The following CABCOCO1 variants were observed in gnomAD, a reference collection of about 807,000 sequenced individuals.
CABCOCO1 encodes the protein ciliary associated calcium binding coiled-coil 1.
A neutral mutation model predicts 35.7 loss-of-function variants in CABCOCO1; 28 were observed. The observed-to-expected ratio is 0.78, with a 90% CI of 0.58 to 1.07. CABCOCO1 has a LOEUF of 1.07. Among genes scored for constraint, CABCOCO1 ranks in the 50% least tolerant of loss-of-function variants. The probability of loss-of-function intolerance (pLI) is 0.00; values close to 1 mark genes in which losing one functional copy is unlikely to be tolerated. For missense variants in CABCOCO1, 326 were observed against 309.2 expected, an observed-to-expected ratio of 1.05 and a Z score of -0.41; for synonymous variants, 95 against 100.1, an observed-to-expected ratio of 0.95 and a Z score of 0.30.
In CABCOCO1 at chr10:61,682,221, T is replaced by C. The variant is rs181946900; in HGVS notation, c.334+909T>C. ...GTGAAACTTTATATTGTTGATATTA[T>C]TGCAAAAATGAATTTCTAAAACCTG... On this transcript the variant is annotated intron_variant, in intron 3 of 7. Coordinates refer to ENST00000648843, the MANE Select transcript of CABCOCO1 (RefSeq NM_001366906.2). 7.0e-4 allele frequency among the ~76,000 whole-genome samples: 106 copies of C among 152,314 alleles called. 1 individual carries two copies. Among genetic ancestry groups the C allele is most frequent in the Non-Finnish European group, 7.6e-4 (52 of 68,024 alleles).
At chr10:61,705,963 A>C (rs992317548) in intron 5 of CABCOCO1, among the ~76,000 whole-genome samples, 1 of 152,200 alleles carries the variant, frequency 6.6e-6, no homozygotes, top group Non-Finnish European at 1.5e-5. Flanking sequence ...TGAATGAAAG[A>C]GACTGTCTAG....
At chr10:61,738,906 T>G (rs1841484406) in intron 5 of CABCOCO1, among the ~76,000 whole-genome samples, 1 of 152,264 alleles carries the variant, frequency 6.6e-6, no homozygotes, top group African/African-American at 2.4e-5. Context: ...TCTTGCTCTC[T>G]TAAGCAGAAC....
At chr10:61,699,280 A>G (rs1347578917) in intron 5 of CABCOCO1, among the ~76,000 whole-genome samples, 1 of 152,204 alleles carries the variant, frequency 6.6e-6, no homozygotes, top group Non-Finnish European at 1.5e-5. Flanking sequence ...TCCGAAGCAC[A>G]GAAAAATAAT....
At chr10:61,748,395 G>C (rs1312084317) in intron 5 of CABCOCO1, among the ~76,000 whole-genome samples, 1 of 152,150 alleles carries the variant, frequency 6.6e-6, no homozygotes, top group Non-Finnish European at 1.5e-5. Flanking sequence ...CATTGTTGTA[G>C]ACATAAATAT....
At chr10:61,749,491 T>C (rs1020901878) in intron 5 of CABCOCO1, among the ~76,000 whole-genome samples, 1 of 152,242 alleles carries the variant, frequency 6.6e-6, no homozygotes, top group Non-Finnish European at 1.5e-5. Flanking sequence ...CAACCTTTCA[T>C]TCTTGACTTT....
chr10:61,766,036 T>C lies in CABCOCO1; in HGVS notation c.*23T>C. On this transcript the variant is annotated 3_prime_UTR_variant, in exon 8 of 8. Transcript: ENST00000648843. ...TAAGGACTTGGTACAAGGAGAGTGA[T>C]GCTAAACTTCACAGAAACAAACAAA... 2 of 1,592,392 alleles carry C rather than the reference T, an allele frequency of 1.3e-6. No individual in the cohort carries two copies. Among genetic ancestry groups the C allele is most frequent in the Non-Finnish European group, 8.6e-7 (1 of 1,162,922 alleles).
intron 5 of CABCOCO1, among the ~76,000 whole-genome samples, chr10:61,722,193 A>T (rs777216211): frequency 1.3e-5 from 2 of 152,226 alleles, no homozygotes; most frequent in Non-Finnish European, 2.9e-5. Context: ...CAGAGAAAAC[A>T]TTATTTTTAA....
chr10:61,756,344 A>T (rs1392536393), intron 5 of CABCOCO1, among the ~76,000 whole-genome samples: 1 of 152,068 alleles, frequency 6.6e-6, no homozygotes, highest in Non-Finnish European at 1.5e-5. Flanking sequence ...CAAGTTATGC[A>T]AAACTAATTT....
At chr10:61,679,335 A>ATCTATATCTATATC in intron 2 of CABCOCO1, among the ~76,000 whole-genome samples, 1 of 134,352 alleles carries the variant, frequency 7.4e-6, no homozygotes, top group African/African-American at 2.8e-5. Flanking sequence ...ATATCTATCT[A>ATCTATATCTATATC]TATCTATCTA....
chr10:61,682,712 T>A (rs915718112), intron 3 of CABCOCO1, among the ~76,000 whole-genome samples: 1 of 152,100 alleles, frequency 6.6e-6, no homozygotes, highest in African/African-American at 2.4e-5. Context: ...TGCCAGCTTA[T>A]GAGAGAAATT....
chr10:61,687,235 C>T (rs564402877), intron 4 of CABCOCO1, among the ~76,000 whole-genome samples: 1 of 152,178 alleles, frequency 6.6e-6, no homozygotes, highest in South Asian at 2.1e-4. Flanking sequence ...AAACGTAGCT[C>T]CTAAGGGGTA....
At chr10:61,717,614 G>T (rs1840899299) in intron 5 of CABCOCO1, among the ~76,000 whole-genome samples, 2 of 152,038 alleles carry the variant, frequency 1.3e-5, no homozygotes, top group African/African-American at 2.4e-5. Flanking sequence ...AAAAAGGAGG[G>T]TAATATGGTA....
chr10:61,753,003 A>T (rs1217415302), intron 5 of CABCOCO1, among the ~76,000 whole-genome samples: 1 of 152,138 alleles, frequency 6.6e-6, no homozygotes, highest in Non-Finnish European at 1.5e-5. Flanking sequence ...CGAACCAAGG[A>T]CCTAGAGTTC....
At chr10:61,678,149 T>G (rs186609517) in intron 2 of CABCOCO1, among the ~76,000 whole-genome samples, 52 of 152,288 alleles carry the variant, frequency 3.4e-4, no homozygotes, top group African/African-American at 1.2e-3. Context: ...GAATTTATAC[T>G]TCCTCTACTG....
chr10:61,688,033 CAAG>C (rs1329316163), intron 4 of CABCOCO1, among the ~76,000 whole-genome samples: 2 of 152,036 alleles, frequency 1.3e-5, no homozygotes, highest in African/African-American at 2.4e-5. Context: ...GGGGCAGCAT[CAAG>C]AAGAATACCT....
At chr10:61,741,969 T>C (rs527834840) in intron 5 of CABCOCO1, among the ~76,000 whole-genome samples, 1 of 152,308 alleles carries the variant, frequency 6.6e-6, no homozygotes, top group East Asian at 1.9e-4. Context: ...CTGCTGTTTG[T>C]ACATGGTTCT....
At chr10:61,735,447 C>A (rs16916549) in intron 5 of CABCOCO1, among the ~76,000 whole-genome samples, 1 of 151,952 alleles carries the variant, frequency 6.6e-6, no homozygotes, top group Non-Finnish European at 1.5e-5. Context: ...CAAAGTTAGA[C>A]GGAGAGCTAC....
At chr10:61,741,863 T>C (rs1841555730) in intron 5 of CABCOCO1, among the ~76,000 whole-genome samples, 1 of 152,252 alleles carries the variant, frequency 6.6e-6, no homozygotes, top group South Asian at 2.1e-4. Context: ...GTTCTTTTAT[T>C]ATTCTGTATA....
intron 5 of CABCOCO1, among the ~76,000 whole-genome samples, chr10:61,740,383 G>A (rs968782603): frequency 4.6e-5 from 7 of 152,198 alleles, no homozygotes; most frequent in Admixed American, 4.6e-4. Flanking sequence ...GAGTAATGGA[G>A]GAGGAGAAAC....
Sources: gnomAD v4.1 joint callset for allele counts (sites outside exome capture counted in the v4.1 genomes callset) on GRCh38, gnomAD v4.1.1 for gene constraint, MANE v1.5 for transcripts, NCBI Gene and HGNC (gene_info 2026-07-23, HGNC 2026-07-21) for gene names.